The following DOCK3 variants were observed in gnomAD, a reference collection of about 807,000 sequenced individuals.
DOCK3 encodes dedicator of cytokinesis 3.
DOCK3 carries 60 observed loss-of-function variants against 265.6 expected under a neutral mutation model. The observed-to-expected ratio is 0.23, with a 90% CI of 0.18 to 0.28. DOCK3 has a LOEUF of 0.28. Ranked by LOEUF, DOCK3 falls within the 10% of genes least tolerant of loss-of-function variation. The pLI is 1.00. For synonymous variants in DOCK3, 881 were observed against 938.0 expected, an observed-to-expected ratio of 0.94 and a Z score of 1.11; for missense variants, 1,981 against 2,594.3, an observed-to-expected ratio of 0.76 and a Z score of 5.14.
intron 3 of DOCK3, among the ~76,000 whole-genome samples, chr3:50,853,164 A>G (rs775799187): frequency 3.9e-5 from 6 of 152,082 alleles, no homozygotes; most frequent in Non-Finnish European, 7.4e-5. Context: ...CTATTAATCA[A>G]CTTTTCTTCA....
chr3:51,016,005 CAT>C lies in DOCK3; in HGVS notation c.316-48438_316-48437del, dbSNP rs1475187663. 1.5e-4 allele frequency among the ~76,000 whole-genome samples: 2 copies of C among 13,154 alleles called. 1 individual carries two copies. The highest frequency in any genetic ancestry group is 7.0e-3 in the East Asian group (2 of 284). The allele number at this position is 13,154 out of a possible 152,430, so 8.6% of individuals were successfully genotyped here. ...ATATATTTCTACATAATATATATAT[CAT>C]ATATTTCTACATAATATATATCATA... On this transcript the variant is annotated intron_variant, in intron 5 of 52. Transcript: ENST00000266037.
intron 4 of DOCK3, among the ~76,000 whole-genome samples, chr3:50,890,358 T>C (rs2048581513): frequency 6.6e-6 from 1 of 152,094 alleles, no homozygotes; most frequent in African/African-American, 2.4e-5. Flanking sequence ...ATTTTGAGCA[T>C]AGTCATTCAT....
intron 38 of DOCK3, among the ~76,000 whole-genome samples, chr3:51,341,811 C>T (rs996621995): frequency 3.3e-5 from 5 of 152,242 alleles, no homozygotes; most frequent in African/African-American, 9.6e-5. Flanking sequence ...CTGCCTCTTA[C>T]TGGTATGTGT....
intron 27 of DOCK3, among the ~76,000 whole-genome samples, chr3:51,287,859 C>G (rs1056145907): frequency 6.6e-6 from 1 of 152,144 alleles, no homozygotes; most frequent in Admixed American, 6.5e-5. Context: ...GAACTATTCA[C>G]AATAGCAAAG....
chr3:51,087,971 C>T (rs2082492095), intron 7 of DOCK3, among the ~76,000 whole-genome samples: 1 of 152,034 alleles, frequency 6.6e-6, no homozygotes, highest in South Asian at 2.1e-4. Flanking sequence ...CAGCACTGTT[C>T]ACAATAGCCA....
intron 1 of DOCK3, among the ~76,000 whole-genome samples, chr3:50,764,884 A>G (rs1306105373): frequency 6.6e-6 from 1 of 152,074 alleles, no homozygotes; most frequent in Non-Finnish European, 1.5e-5. Context: ...CCTTCATTAT[A>G]TATAGTTAAC....
In DOCK3 at chr3:51,355,007, A is replaced by G; in HGVS notation, c.4233A>G (p.Leu1411=). 1 of 1,613,804 alleles carries G rather than the reference A, an allele frequency of 6.2e-7. No homozygotes were observed. Among genetic ancestry groups the G allele is most frequent in the Non-Finnish European group, 8.5e-7 (1 of 1,179,808 alleles). The change falls in exon 41 of 53, where the codon CTA becomes CTG. Residue 1411 remains leucine (L), a synonymous_variant. Transcript: ENST00000266037. ...CCAACCATCCTGATGACGCCATCCT[A>G]CAGTGCGATGCCCAGTGTATCCTTT... ...QHPNHPDDAI[L]QCDAQYLQIY...
chr3:51,236,270 A>T, intron 19 of DOCK3, 75 bp from the exon 20 acceptor site: 2 of 1,114,998 alleles, frequency 1.8e-6, no homozygotes, highest in Non-Finnish European at 2.7e-6. Context: ...ATTGGAAGTT[A>T]AATTCATTGA....
At chr3:51,317,008 G>A (rs2083404716) in intron 32 of DOCK3, among the ~76,000 whole-genome samples, 1 of 151,754 alleles carries the variant, frequency 6.6e-6, no homozygotes, top group Admixed American at 6.6e-5. Flanking sequence ...ATGCTTTTGG[G>A]GTCATACCCC....
intron 5 of DOCK3, among the ~76,000 whole-genome samples, chr3:51,059,445 A>G (rs1259869566): frequency 7.7e-6 from 1 of 129,834 alleles, no homozygotes; most frequent in East Asian, 2.3e-4. Flanking sequence ...AGACTTTGCT[A>G]GAAAAAAAAC....
chr3:50,865,311 C>T (rs1026815854), intron 3 of DOCK3, among the ~76,000 whole-genome samples: 9 of 152,116 alleles, frequency 5.9e-5, no homozygotes, highest in Non-Finnish European at 1.0e-4. Flanking sequence ...ATGACCCTTC[C>T]CACCCTCTGG....
At chr3:51,342,619 T>C (rs563529853) in intron 38 of DOCK3, among the ~76,000 whole-genome samples, 2 of 152,342 alleles carry the variant, frequency 1.3e-5, no homozygotes, top group South Asian at 2.1e-4. Flanking sequence ...TTTCTTTCCA[T>C]GGGCACAGAG....
At chr3:51,365,915 T>C (rs113081344) in intron 49 of DOCK3, among the ~76,000 whole-genome samples, 11,301 of 152,220 alleles carry the variant, frequency 0.074, 988 homozygotes, top group East Asian at 0.33. Flanking sequence ...ATTTTTGCAT[T>C]GATGTTCATC....
rs9833519 is a variant in DOCK3, at chr3:51,156,874, T to C, written c.829-2370T>C. Reference sequence around the variant, plus strand: ...TTGGATGTACACAATCCAGGCTGTGTAGGAGGAACCATTTCACTTTGAAAT... The same window carrying C: ...TTGGATGTACACAATCCAGGCTGTGCAGGAGGAACCATTTCACTTTGAAAT... On this transcript the variant is annotated intron_variant, in intron 10 of 52. Coordinates refer to ENST00000266037, the MANE Select transcript of DOCK3 (RefSeq NM_004947.5). Among the ~76,000 whole-genome samples, 557 of 152,306 alleles carry C rather than the reference T, an allele frequency of 3.7e-3. 3 individuals are homozygous for C. The highest frequency in any genetic ancestry group is 0.013 in the African/African-American group (533 of 41,574).
intron 32 of DOCK3, among the ~76,000 whole-genome samples, chr3:51,318,983 A>G (rs1430631867): frequency 6.6e-6 from 1 of 152,026 alleles, no homozygotes; most frequent in African/African-American, 2.4e-5. Flanking sequence ...TATTTAGACA[A>G]TCATGTCATC....
chr3:51,358,505 C>A (rs2086519235), intron 46 of DOCK3, among the ~76,000 whole-genome samples: 1 of 152,146 alleles, frequency 6.6e-6, no homozygotes, highest in Non-Finnish European at 1.5e-5. Flanking sequence ...CCCTGTCCTT[C>A]TTCATTCTTT....
chr3:51,030,296 A>T (rs2108947645), intron 5 of DOCK3, among the ~76,000 whole-genome samples: 1 of 152,042 alleles, frequency 6.6e-6, no homozygotes, highest in East Asian at 1.9e-4. Flanking sequence ...TGTTTTTTCC[A>T]TGGTCATGTC....
intron 1 of DOCK3, among the ~76,000 whole-genome samples, chr3:50,753,498 C>T (rs538176799): frequency 6.6e-6 from 1 of 152,106 alleles, no homozygotes; most frequent in East Asian, 1.9e-4. Flanking sequence ...TGCTACCATG[C>T]TTGGATAATT....
intron 32 of DOCK3, among the ~76,000 whole-genome samples, chr3:51,317,581 AAATAATAATAATAAT>A (rs35402276): frequency 1.3e-4 from 18 of 139,142 alleles, no homozygotes; most frequent in East Asian, 4.1e-4. Context: ...CTCCATCACA[AAATAATAATAATAAT>A]AATAATAATA....
Sources: gnomAD v4.1 joint callset for allele counts (sites outside exome capture counted in the v4.1 genomes callset) on GRCh38, gnomAD v4.1.1 for gene constraint, MANE v1.5 for transcripts, NCBI Gene and HGNC (gene_info 2026-07-23, HGNC 2026-07-21) for gene names.